Variants in CAMTA1 observed in about 807,000 individuals in gnomAD.
The protein encoded by CAMTA1 is calmodulin binding transcription activator 1.
A neutral mutation model predicts 170.9 loss-of-function variants in CAMTA1; 27 were observed. The ratio of observed to expected loss-of-function variants is 0.16; its 90% CI spans 0.12 to 0.22. The LOEUF is 0.22. Ranked by LOEUF, CAMTA1 falls within the 10% of genes least tolerant of loss-of-function variation. CAMTA1 has a pLI of 1.00. For missense variants in CAMTA1, 1,619 were observed against 2,217.2 expected (o/e 0.73, Z 5.42); for synonymous variants, 833 against 891.5 (o/e 0.93, Z 1.17).
intron 4 of CAMTA1, among the ~76,000 whole-genome samples, chr1:7,225,580 C>T (rs1345171388): frequency 2.0e-5 from 3 of 152,208 alleles, no homozygotes; most frequent in Admixed American, 2.0e-4. Context: ...ATCAACAACC[C>T]ATCAAGAGTG....
intron 5 of CAMTA1, among the ~76,000 whole-genome samples, chr1:7,266,493 G>A (rs1344984442): frequency 6.6e-6 from 1 of 152,204 alleles, no homozygotes; most frequent in Non-Finnish European, 1.5e-5. Context: ...ATAAGTCCAC[G>A]ATGTGCCACA....
chr1:7,347,256 G>C (rs987294976), intron 5 of CAMTA1, among the ~76,000 whole-genome samples: 1 of 152,202 alleles, frequency 6.6e-6, no homozygotes, highest in Admixed American at 6.5e-5. Context: ...GGCCCGGACT[G>C]TTCCATCGGG....
intron 3 of CAMTA1, among the ~76,000 whole-genome samples, chr1:6,989,523 G>A (rs900498035): frequency 2.6e-5 from 4 of 152,296 alleles, no homozygotes; most frequent in Admixed American, 2.6e-4. Context: ...TTTCCAGTGG[G>A]AATTGAAAGT....
chr1:7,304,608 T>C (rs994003684), intron 5 of CAMTA1, among the ~76,000 whole-genome samples: 22 of 152,032 alleles, frequency 1.4e-4, no homozygotes, highest in Admixed American at 5.9e-4. Context: ...TTTTTTTTTT[T>C]TTTAGGTCTG....
chr1:6,883,878 T>A (rs1672344280), intron 3 of CAMTA1, among the ~76,000 whole-genome samples: 1 of 152,182 alleles, frequency 6.6e-6, no homozygotes, highest in African/African-American at 2.4e-5. Flanking sequence ...TTGTAATATA[T>A]TTTATTTTAC....
At chr1:7,537,318 C>T (rs1374451819) in intron 6 of CAMTA1, among the ~76,000 whole-genome samples, 4 of 152,170 alleles carry the variant, frequency 2.6e-5, no homozygotes, top group Admixed American at 2.6e-4. Context: ...TCCAGGCAGT[C>T]GGCAAAGTGG....
intron 1 of CAMTA1, 27 bp downstream of exon 1, chr1:6,785,602 GGGGCGGCGCGGC>G: frequency 2.0e-6 from 2 of 1,008,232 alleles, no homozygotes. Context: ...GAGGGGCTGG[GGGGCGGCGCGGC>G]GGGCGGCGGG....
intron 6 of CAMTA1, among the ~76,000 whole-genome samples, chr1:7,546,674 T>TAAC (rs2150140950): frequency 6.6e-6 from 1 of 152,358 alleles, no homozygotes; most frequent in Non-Finnish European, 1.5e-5. Context: ...TGTTGTTTTT[T>TAAC]AACTTTTTAA....
At chr1:7,351,742 T>C (rs1263147518) in intron 5 of CAMTA1, among the ~76,000 whole-genome samples, 4 of 152,192 alleles carry the variant, frequency 2.6e-5, no homozygotes, top group Non-Finnish European at 4.4e-5. Context: ...CGTGGTCATT[T>C]GGAAAGTCTA....
rs137974312 is a variant in CAMTA1, at chr1:7,738,307, C to T, written c.4007C>T (p.Thr1336Ile). The change falls in exon 16 of 23, where the codon ACT (threonine) becomes ATT (isoleucine). Residue 1336 changes from threonine to isoleucine, a missense_variant. Physicochemically the swap from Thr to Ile is moderately conservative, Grantham distance 89. Transcript: ENST00000303635. The surrounding 1 kb of genome is among the most constrained non-coding windows in gnomAD (Gnocchi z 4.9). ...LYIGVSTVQVTGNPKGTSVGK... is the reference protein window; with the variant it reads ...LYIGVSTVQVIGNPKGTSVGK... The stretch of plus-strand genomic sequence containing the variant: ...ATTGGTGTGTCTACAGTACAGGTGA[C>T]TGGAAATCCGAAGGGGACCAGTGTA... 1.4e-3 allele frequency: 2,212 copies of T among 1,614,168 alleles called. 13 individuals are homozygous for T. In the Middle Eastern group the frequency reaches 0.014, roughly 10 times the overall value.
At position 7,456,982 on chromosome 1, in the gene CAMTA1, C is replaced by T. The variant is rs1202138984; in HGVS notation, c.439-10848C>T. 2.0e-5 allele frequency among the ~76,000 whole-genome samples: 3 copies of T among 151,278 alleles called. No homozygotes were observed. Among genetic ancestry groups the T allele is most frequent in the Admixed American group, 6.6e-5 (1 of 15,206 alleles). ...AGCGAGGCCCAGCAGAGTTCGGCGC[C>T]GCCCTCCCGTTCCTCCTCCCTCCCA... On this transcript the variant is annotated intron_variant, in intron 5 of 22. Coordinates refer to ENST00000303635, the MANE Select transcript of CAMTA1 (RefSeq NM_015215.4). This position sits in a 1 kb window ranked among gnomAD's most constrained non-coding sequence, Gnocchi z 4.9.
intron 7 of CAMTA1, among the ~76,000 whole-genome samples, chr1:7,648,417 GGGA>G (rs2095824577): frequency 1.3e-5 from 2 of 151,922 alleles, no homozygotes; most frequent in South Asian, 4.2e-4. Flanking sequence ...AGAGAGAGAA[GGGA>G]AGAGAGCTGC....
chr1:7,406,684 A>G (rs1256309702), intron 5 of CAMTA1, among the ~76,000 whole-genome samples: 1 of 152,104 alleles, frequency 6.6e-6, no homozygotes, highest in African/African-American at 2.4e-5. Context: ...GCATACATGT[A>G]TACACAAGCA....
chr1:7,229,542 A>C, intron 4 of CAMTA1, among the ~76,000 whole-genome samples: 1 of 61,474 alleles, frequency 1.6e-5, no homozygotes, highest in East Asian at 7.6e-4. Context: ...GGAGGATTGG[A>C]GGATGGGGAT....
chr1:7,649,882 G>A (rs1400544184), intron 7 of CAMTA1, among the ~76,000 whole-genome samples: 3 of 152,210 alleles, frequency 2.0e-5, no homozygotes, highest in African/African-American at 2.4e-5. Flanking sequence ...GTGCCAGGGA[G>A]TGGTTCTGTC....
intron 3 of CAMTA1, among the ~76,000 whole-genome samples, chr1:7,084,718 G>C (rs1290370244): frequency 6.6e-6 from 1 of 152,182 alleles, no homozygotes; most frequent in Non-Finnish European, 1.5e-5. Flanking sequence ...GGGTTCCTGT[G>C]ATGTCTGCAT....
intron 5 of CAMTA1, among the ~76,000 whole-genome samples, chr1:7,367,030 T>TA (rs1003518651): frequency 1.0e-3 from 159 of 151,442 alleles, no homozygotes; most frequent in African/African-American, 3.7e-3. Flanking sequence ...TCTTTCCTCT[T>TA]AAAAAAAAAT....
At chr1:6,860,052 T>C (rs912871885) in intron 3 of CAMTA1, among the ~76,000 whole-genome samples, 6 of 152,206 alleles carry the variant, frequency 3.9e-5, no homozygotes, top group Non-Finnish European at 8.8e-5. Context: ...TCTTTTTTTC[T>C]AGTAGGTTCT....
At chr1:7,727,757 A>G (rs2096701448) in intron 11 of CAMTA1, among the ~76,000 whole-genome samples, 1 of 152,246 alleles carries the variant, frequency 6.6e-6, no homozygotes, top group African/African-American at 2.4e-5. Context: ...AAAGCTGTAA[A>G]ACCAAAACAA....
Sources: gnomAD v4.1 joint callset for allele counts (sites outside exome capture counted in the v4.1 genomes callset) on GRCh38, gnomAD v4.1.1 for gene constraint, Gnocchi (gnomAD v3.1) non-coding constraint, MANE v1.5 for transcripts, NCBI Gene and HGNC (gene_info 2026-07-23, HGNC 2026-07-21) for gene names.